DDAH1: variants seen among roughly 807,000 people sequenced by gnomAD.
DDAH1 encodes dimethylarginine dimethylaminohydrolase 1, also known as N(G),N(G)-dimethylarginine dimethylaminohydrolase 1.
Under a neutral mutation model 28.8 loss-of-function variants are expected in DDAH1, and 19 were observed. That is an observed-to-expected ratio of 0.66 (90% CI 0.46 to 0.97). DDAH1 has a LOEUF of 0.97. DDAH1 is among the 50% of genes least tolerant of loss of function. The pLI, the probability that DDAH1 is intolerant of heterozygous loss-of-function variation, is 0.00. For missense variants in DDAH1, 326 were observed against 375.9 expected (o/e 0.87, Z 1.10); for synonymous variants, 153 against 154.4 (o/e 0.99, Z 0.07).
intron 1 of DDAH1, among the ~76,000 whole-genome samples, chr1:85,457,893 G>A (rs1428127439): frequency 6.6e-6 from 1 of 152,136 alleles, no homozygotes; most frequent in Non-Finnish European, 1.5e-5. Flanking sequence ...GTTTCACCAT[G>A]TTGGCCAGGC....
At position 85,320,255 on chromosome 1, in the gene DDAH1, C is replaced by T. The variant is rs1661267522; in HGVS notation, c.*1197G>A. The T allele has an allele frequency of 6.6e-6, 1 of 152,570 alleles. No homozygotes were observed. 9.5% of individuals were successfully genotyped at this position (152,570 alleles called of 1,614,324 possible). On this transcript the variant is annotated 3_prime_UTR_variant, in exon 6 of 6. Coordinates refer to ENST00000284031, the MANE Select transcript of DDAH1 (RefSeq NM_012137.4). ...GAGAAGAAAGAAGTTTAAATTGGAT[C>T]CCACAGTAAATATTCACGGATATTT...
intron 1 of DDAH1, among the ~76,000 whole-genome samples, chr1:85,372,730 G>A (rs233051): frequency 0.69 from 104,716 of 151,880 alleles, 36,239 homozygotes; most frequent in South Asian, 0.84. Flanking sequence ...CTCAAAGTAC[G>A]ATAACCTCAA....
intron 1 of DDAH1, among the ~76,000 whole-genome samples, chr1:85,449,850 A>G (rs777895261): frequency 6.5e-4 from 99 of 152,248 alleles, no homozygotes; most frequent in Non-Finnish European, 1.1e-3. Flanking sequence ...AGAGAGAGGT[A>G]GACTACAGGG....
At chr1:85,431,985 A>G (rs1048345615) in intron 1 of DDAH1, among the ~76,000 whole-genome samples, 1 of 152,244 alleles carries the variant, frequency 6.6e-6, no homozygotes, top group Admixed American at 6.5e-5. Flanking sequence ...TAACACAAAC[A>G]TGATGAGCTT....
intron 4 of DDAH1, among the ~76,000 whole-genome samples, chr1:85,332,578 G>A (rs564431241): frequency 3.1e-4 from 47 of 152,286 alleles, no homozygotes; most frequent in African/African-American, 1.1e-3. Context: ...TGGGGGGCCT[G>A]AGAATAGGCC....
At chr1:85,528,699 GATA>G (rs1189092639) in intron 1 of DDAH1, among the ~76,000 whole-genome samples, 2 of 152,080 alleles carry the variant, frequency 1.3e-5, no homozygotes, top group African/African-American at 4.8e-5. Flanking sequence ...TTAAAGAAAA[GATA>G]ATGAGGCTCA....
In DDAH1 at chr1:85,514,800, G is replaced by T. The variant is rs566368262; in HGVS notation, c.-122-18519C>A. 2.0e-5 allele frequency among the ~76,000 whole-genome samples: 3 copies of T among 152,102 alleles called. No individual in the cohort carries two copies. In the East Asian group the frequency reaches 5.8e-4, roughly 30 times the overall value. ...TCCTTGTATCATGCCTCCATAAATC[G>T]CTGAGCACTTCCTTGGTATATCAAA... On this transcript the variant is annotated intron_variant, in intron 1 of 6. Transcript: ENST00000426972.
At chr1:85,392,654 G>A (rs995311847) in intron 1 of DDAH1, among the ~76,000 whole-genome samples, 7 of 151,910 alleles carry the variant, frequency 4.6e-5, no homozygotes, top group South Asian at 4.2e-4. Context: ...TTAGCTGGGC[G>A]TGGTGGCATG....
intron 4 of DDAH1, among the ~76,000 whole-genome samples, chr1:85,339,214 T>C (rs956455665): frequency 6.6e-6 from 1 of 152,186 alleles, no homozygotes; most frequent in African/African-American, 2.4e-5. Context: ...AAAACTCTAA[T>C]AGATTCAGCG....
chr1:85,557,948 T>G (rs150032870), intron 1 of DDAH1, among the ~76,000 whole-genome samples: 1 of 152,152 alleles, frequency 6.6e-6, no homozygotes, highest in Non-Finnish European at 1.5e-5. Context: ...AACTAGTTTA[T>G]GTTGTTTAAG....
intron 3 of DDAH1, 119 bp downstream of exon 3, chr1:85,351,387 G>A (rs561668563): frequency 1.1e-4 from 87 of 784,744 alleles, no homozygotes; most frequent in South Asian, 4.6e-4. Flanking sequence ...CAAACATTAC[G>A]AATTATTGTA....
At chr1:85,352,960 G>A (rs1394676888) in intron 2 of DDAH1, among the ~76,000 whole-genome samples, 1 of 151,820 alleles carries the variant, frequency 6.6e-6, no homozygotes, top group Non-Finnish European at 1.5e-5. Context: ...ATCACGTGAG[G>A]CCTGAGGAAA....
chr1:85,563,767 ATTATT>A (rs1477773101), intron 1 of DDAH1, among the ~76,000 whole-genome samples: 2 of 152,258 alleles, frequency 1.3e-5, no homozygotes, highest in Non-Finnish European at 2.9e-5. Flanking sequence ...ATTAAGAGTT[ATTATT>A]TTAACTATAT....
intron 2 of DDAH1, among the ~76,000 whole-genome samples, chr1:85,475,748 G>C (rs1459445615): frequency 1.3e-5 from 2 of 152,188 alleles, no homozygotes; most frequent in Non-Finnish European, 2.9e-5. Context: ...AGTGGGAGTA[G>C]AGGTTCCAAA....
At chr1:85,425,583 A>G (rs1283157382) in intron 1 of DDAH1, among the ~76,000 whole-genome samples, 4 of 152,220 alleles carry the variant, frequency 2.6e-5, no homozygotes, top group Non-Finnish European at 4.4e-5. Flanking sequence ...CGTAACGATT[A>G]TATCTCCAGT....
intron 2 of DDAH1, among the ~76,000 whole-genome samples, chr1:85,490,870 CT>C (rs1158787531): frequency 6.6e-6 from 1 of 152,156 alleles, no homozygotes; most frequent in Non-Finnish European, 1.5e-5. Context: ...GACATGTCTG[CT>C]CAGGGCTCAT....
intron 4 of DDAH1, among the ~76,000 whole-genome samples, chr1:85,333,797 C>G (rs1208756361): frequency 6.6e-6 from 1 of 151,864 alleles, no homozygotes; most frequent in African/African-American, 2.4e-5. Flanking sequence ...TATGGGCCAC[C>G]ATAAAGCAAC....
intron 1 of DDAH1, among the ~76,000 whole-genome samples, chr1:85,434,767 G>A (rs1653858074): frequency 6.6e-6 from 1 of 151,948 alleles, no homozygotes; most frequent in South Asian, 2.1e-4. Context: ...AAGTGTTCTT[G>A]GCTATTTTCA....
chr1:85,387,444 C>T (rs1420655739), intron 1 of DDAH1, among the ~76,000 whole-genome samples: 3 of 152,168 alleles, frequency 2.0e-5, no homozygotes, highest in Non-Finnish European at 4.4e-5. Flanking sequence ...TTCCACAAAT[C>T]CCTAGGACAT....
Sources: gnomAD v4.1 joint callset for allele counts (sites outside exome capture counted in the v4.1 genomes callset) on GRCh38, gnomAD v4.1.1 for gene constraint, MANE v1.5 for transcripts, NCBI Gene and HGNC (gene_info 2026-07-23, HGNC 2026-07-21) for gene names.